The following GMEB1 variants were observed in gnomAD, a reference collection of about 807,000 sequenced individuals.
GMEB1 encodes glucocorticoid modulatory element-binding protein 1.
GMEB1 carries 6 observed loss-of-function variants against 52.4 expected under a neutral mutation model. The observed-to-expected ratio is 0.11, with a 90% CI of 0.06 to 0.23. GMEB1 has a LOEUF of 0.23. GMEB1 is among the 10% of genes least tolerant of loss of function. The pLI, the probability that GMEB1 is intolerant of heterozygous loss-of-function variation, is 1.00. For missense variants in GMEB1, 486 were observed against 685.6 expected (o/e 0.71, Z 3.25); for synonymous variants, 255 against 244.9 (o/e 1.04, Z -0.38).
Position 28,714,468 on chromosome 1 carries a change from C to A in GMEB1, c.1387C>A (p.Leu463Met), listed in dbSNP as rs1179969381. ...CATCCACCCTTCATCTAGCTTGGCG[C>A]TGCTGAGCTCTACTGCCATGCAGGA... ...VTIHPSSSLA[L>M]LSSTAMQDGS... The change falls in exon 10 of 10, where the codon CTG (leucine) becomes ATG (methionine). Residue 463 changes from leucine to methionine, a missense_variant. By Grantham distance (15) the Leu-to-Met change is conservative. This residue lies in a region of GMEB1 where 153 missense variants were observed against 200.8 expected (regional missense o/e 0.76). Transcript: ENST00000373816. 2 of 1,614,226 alleles carry A rather than the reference C, an allele frequency of 1.2e-6. No homozygotes were observed. The highest frequency in any genetic ancestry group is 1.7e-6 in the Non-Finnish European group (2 of 1,180,030).
intron 2 of GMEB1, chr1:28,689,822 C>A: frequency 3.7e-6 from 1 of 267,924 alleles, no homozygotes. Flanking sequence ...AGGGAAAAGT[C>A]TGGTGTAATA....
chr1:28,708,554 C>T (rs1039649831), intron 8 of GMEB1, among the ~76,000 whole-genome samples: 4 of 151,920 alleles, frequency 2.6e-5, no homozygotes, highest in Non-Finnish European at 4.4e-5. Context: ...CTCTGCTTCA[C>T]GGGTTCAAGC....
chr1:28,689,254 G>A (rs1346224038), intron 2 of GMEB1, among the ~76,000 whole-genome samples: 1 of 151,956 alleles, frequency 6.6e-6, no homozygotes, highest in African/African-American at 2.4e-5. Context: ...TCGAACTCCT[G>A]ACCTCAGGTG....
chr1:28,697,164 T>TATAC (rs1325151897), intron 6 of GMEB1, 80 bp downstream of exon 6: 2 of 59,254 alleles, frequency 3.4e-5, no homozygotes, highest in Non-Finnish European at 8.5e-5. Context: ...TGTGTGTACA[T>TATAC]ATATATATAT....
chr1:28,692,485 T>C (rs1670014456), intron 4 of GMEB1, among the ~76,000 whole-genome samples: 1 of 151,544 alleles, frequency 6.6e-6, no homozygotes, highest in African/African-American at 2.4e-5. Flanking sequence ...GAGTTGAGAT[T>C]GCGCTGTTGC....
At chr1:28,670,354 T>C (rs1668828407) in intron 1 of GMEB1, among the ~76,000 whole-genome samples, 1 of 150,996 alleles carries the variant, frequency 6.6e-6, no homozygotes, top group African/African-American at 2.4e-5. Flanking sequence ...TGAGACGGAG[T>C]TTCACTCCTG....
At chr1:28,685,812 A>G (rs944877372) in intron 2 of GMEB1, among the ~76,000 whole-genome samples, 11 of 152,144 alleles carry the variant, frequency 7.2e-5, no homozygotes, top group Non-Finnish European at 1.5e-4. Context: ...TACAAAAATT[A>G]GCTGGGCATG....
intron 8 of GMEB1, among the ~76,000 whole-genome samples, chr1:28,707,495 G>A (rs959454241): frequency 2.6e-5 from 4 of 152,066 alleles, no homozygotes; most frequent in African/African-American, 9.7e-5. Flanking sequence ...GATTGAGAAT[G>A]TATTTTGAAT....
At chr1:28,690,558 C>T (rs371896976) in intron 3 of GMEB1, among the ~76,000 whole-genome samples, 10 of 152,008 alleles carry the variant, frequency 6.6e-5, no homozygotes, top group South Asian at 4.1e-4. Context: ...GGAAAGAAAC[C>T]GAAATTTAAC....
chr1:28,698,159 A>G (rs554808635), intron 6 of GMEB1, among the ~76,000 whole-genome samples: 1 of 151,930 alleles, frequency 6.6e-6, no homozygotes, highest in South Asian at 2.1e-4. Flanking sequence ...AAATGAGGTC[A>G]AGAGATCGAG....
At chr1:28,706,046 T>C (rs1670746050) in intron 8 of GMEB1, among the ~76,000 whole-genome samples, 1 of 151,578 alleles carries the variant, frequency 6.6e-6, no homozygotes, top group Admixed American at 6.6e-5. Flanking sequence ...CTCAGCTACT[T>C]GAGAGGCTGA....
intron 5 of GMEB1, 107 bp downstream of exon 5, chr1:28,693,152 A>G (rs1301441470): frequency 2.0e-6 from 1 of 492,278 alleles, no homozygotes; most frequent in Non-Finnish European, 3.7e-6. Context: ...CTTTCTGAAG[A>G]ATTGGCTTGA....
At chr1:28,705,222 C>G (rs1353262819) in intron 8 of GMEB1, among the ~76,000 whole-genome samples, 2 of 151,076 alleles carry the variant, frequency 1.3e-5, no homozygotes, top group Non-Finnish European at 2.9e-5. Context: ...AAACCTGTCT[C>G]CACTAAAAAT....
chr1:28,710,186 T>C (rs1670980309), intron 8 of GMEB1, among the ~76,000 whole-genome samples: 1 of 152,074 alleles, frequency 6.6e-6, no homozygotes, highest in African/African-American at 2.4e-5. Context: ...TTTATGTAAG[T>C]AGAGACAGGG....
intron 1 of GMEB1, among the ~76,000 whole-genome samples, chr1:28,675,118 C>T (rs1433514987): frequency 1.3e-5 from 2 of 149,414 alleles, no homozygotes; most frequent in East Asian, 2.0e-4. Flanking sequence ...CCTGGGTTCA[C>T]GCCATTCTCC....
chr1:28,671,659 G>A (rs967433343), intron 1 of GMEB1, among the ~76,000 whole-genome samples: 1 of 151,866 alleles, frequency 6.6e-6, no homozygotes, highest in African/African-American at 2.4e-5. Context: ...TGGGAGGATC[G>A]CTTGAGCTCC....
chr1:28,696,044 GTTTGTTTA>G (rs1317532099), intron 5 of GMEB1, among the ~76,000 whole-genome samples: 304 of 54,648 alleles, frequency 5.6e-3, no homozygotes, highest in African/African-American at 0.013. Context: ...TATTTTTATT[GTTTGTTTA>G]TTTATTTATT....
At chr1:28,709,882 C>T (rs1670965431) in intron 8 of GMEB1, among the ~76,000 whole-genome samples, 1 of 152,136 alleles carries the variant, frequency 6.6e-6, no homozygotes, top group South Asian at 2.1e-4. Flanking sequence ...GGCGCGGTGG[C>T]TTGTGCCTGT....
rs191087928 is a variant in GMEB1 at position 28,716,019 on chromosome 1, A to G, written c.*1246A>G. The G allele has an allele frequency of 6.6e-6, 1 of 152,376 alleles. No homozygotes were observed. Among genetic ancestry groups the G allele is most frequent in the East Asian group, 1.9e-4 (1 of 5,192 alleles). 9.4% of individuals were successfully genotyped at this position (152,376 alleles called of 1,614,324 possible). On this transcript the variant is annotated 3_prime_UTR_variant, in exon 10 of 10. Coordinates refer to ENST00000373816, the MANE Select transcript of GMEB1 (RefSeq NM_001319674.2). ...GAGGCTGAGGCAGGAGAATTGCTTGAACCTGGGAGGCGGAGGTTGCAGTGA... is the reference window on the plus strand; with the variant it reads ...GAGGCTGAGGCAGGAGAATTGCTTGGACCTGGGAGGCGGAGGTTGCAGTGA...
Sources: gnomAD v4.1 joint callset for allele counts (sites outside exome capture counted in the v4.1 genomes callset) on GRCh38, gnomAD v4.1.1 for gene constraint, gnomAD v4.1.1 regional missense constraint, MANE v1.5 for transcripts, NCBI Gene and HGNC (gene_info 2026-07-23, HGNC 2026-07-21) for gene names.